Variants in KIAA1217 observed in about 807,000 individuals in gnomAD.
KIAA1217 encodes KIAA1217.
KIAA1217 carries 88 observed loss-of-function variants against 163.9 expected under a neutral mutation model. That is an observed-to-expected ratio of 0.54 (90% CI 0.45 to 0.64). The LOEUF (loss-of-function observed/expected upper bound fraction) is 0.64, where lower values mean the gene tolerates loss of function less well. KIAA1217 is among the 30% of genes least tolerant of loss of function. KIAA1217 has a pLI of 0.00. For missense variants in KIAA1217, 2,372 were observed against 2,475.0 expected, an observed-to-expected ratio of 0.96 and a Z score of 0.88; for synonymous variants, 903 against 923.1, an observed-to-expected ratio of 0.98 and a Z score of 0.39.
At chr10:24,434,303 T>G in intron 4 of KIAA1217, among the ~76,000 whole-genome samples, 1 of 152,038 alleles carries the variant, frequency 6.6e-6, no homozygotes, top group South Asian at 2.1e-4. Flanking sequence ...CCTCCCAAAG[T>G]GCTAGGATTA....
chr10:24,425,624 A>T (rs1246664879), intron 3 of KIAA1217, among the ~76,000 whole-genome samples: 1 of 152,232 alleles, frequency 6.6e-6, no homozygotes, highest in Non-Finnish European at 1.5e-5. Flanking sequence ...GATTTATTAA[A>T]TGAACTACTT....
rs561659100 is a variant in KIAA1217, at chr10:24,542,418, G to A, written c.3535-275G>A. The A allele has an allele frequency of 5.4e-5, 45 of 833,968 alleles. 1 individual carries two copies. In the Middle Eastern group the frequency reaches 1.2e-3, roughly 23 times the overall value. The allele number at this position is 833,968 out of a possible 1,614,324, so 51.7% of individuals were successfully genotyped here. ...AAGAGGACATGTTAGTAATGACTCT[G>A]TCCCTTTATTTTCTTCACCACTCCC... On this transcript the variant is annotated intron_variant, in intron 17 of 20. Coordinates refer to ENST00000376454, the MANE Select transcript of KIAA1217 (RefSeq NM_019590.5).
chr10:24,007,183 T>G (rs1018652346), intron 1 of KIAA1217: 4 of 151,906 alleles, frequency 2.6e-5, no homozygotes, highest in African/African-American at 9.7e-5. Context: ...TACTCAGCAG[T>G]TCTGCAGTGG....
chr10:24,009,662 C>G (rs999445219), intron 2 of KIAA1217, among the ~76,000 whole-genome samples: 4 of 152,124 alleles, frequency 2.6e-5, no homozygotes, highest in Non-Finnish European at 5.9e-5. Context: ...AAATAGGACC[C>G]TGCAAAGTTG....
intron 1 of KIAA1217, among the ~76,000 whole-genome samples, chr10:23,945,392 T>C (rs1283445849): frequency 1.3e-5 from 2 of 152,166 alleles, no homozygotes; most frequent in Non-Finnish European, 2.9e-5. Flanking sequence ...TATTATTCCA[T>C]TAATATGAAG....
chr10:24,519,083 G>A (rs947935653), intron 10 of KIAA1217, among the ~76,000 whole-genome samples: 1 of 152,198 alleles, frequency 6.6e-6, no homozygotes, highest in African/African-American at 2.4e-5. Context: ...AAGGGCCTTC[G>A]AGGGCCATCA....
At chr10:24,345,080 A>T (rs2047557955) in intron 2 of KIAA1217, among the ~76,000 whole-genome samples, 1 of 152,228 alleles carries the variant, frequency 6.6e-6, no homozygotes, top group Non-Finnish European at 1.5e-5. Flanking sequence ...AGGGGTATAT[A>T]GTCTGTTCTT....
intron 1 of KIAA1217, among the ~76,000 whole-genome samples, chr10:23,707,236 C>A (rs987956716): frequency 6.6e-6 from 1 of 151,976 alleles, no homozygotes; most frequent in Non-Finnish European, 1.5e-5. Context: ...GGGGTTTGGT[C>A]TGGTGTTCTG....
At chr10:24,402,702 A>G (rs1591638078) in intron 3 of KIAA1217, among the ~76,000 whole-genome samples, 1 of 152,324 alleles carries the variant, frequency 6.6e-6, no homozygotes, top group East Asian at 1.9e-4. Flanking sequence ...AGAACCCAAA[A>G]TAGAACCACC....
upstream of KIAA1217, chr10:24,209,049 C>G (rs1379472151): frequency 7.8e-6 from 5 of 642,444 alleles, no homozygotes; most frequent in Non-Finnish European, 1.4e-5. Context: ...GACTTTGCAC[C>G]GGAGTGGAAA....
At chr10:23,853,562 T>C (rs1839474772) in intron 1 of KIAA1217, among the ~76,000 whole-genome samples, 1 of 152,206 alleles carries the variant, frequency 6.6e-6, no homozygotes, top group Admixed American at 6.5e-5. Flanking sequence ...TCTTTTTCTA[T>C]TGATTGCAAT....
At chr10:23,727,285 G>A (rs146994522) in intron 1 of KIAA1217, among the ~76,000 whole-genome samples, 9 of 152,094 alleles carry the variant, frequency 5.9e-5, no homozygotes, top group Non-Finnish European at 1.0e-4. Context: ...GTTAAACCAG[G>A]CATGGTGGCT....
At chr10:24,378,431 A>T (rs1371430975) in intron 2 of KIAA1217, among the ~76,000 whole-genome samples, 1 of 152,066 alleles carries the variant, frequency 6.6e-6, no homozygotes, top group Non-Finnish European at 1.5e-5. Context: ...TCCTCCCCTG[A>T]TGCCCCTTTA....
At chr10:24,049,774 G>T (rs558921460) in intron 2 of KIAA1217, among the ~76,000 whole-genome samples, 32 of 152,286 alleles carry the variant, frequency 2.1e-4, no homozygotes, top group Admixed American at 1.9e-3. Context: ...ACATACGTGT[G>T]CATGTGTCTT....
In KIAA1217 at chr10:24,543,121, C is replaced by G; in HGVS notation, c.3851C>G (p.Ser1284Cys). The G allele has an allele frequency of 6.2e-7, 1 of 1,613,218 alleles. No individual in the cohort carries two copies. The highest frequency in any genetic ancestry group is 8.5e-7 in the Non-Finnish European group (1 of 1,179,916). Residue 1284 changes from serine (S) to cysteine (C), a missense_variant, in exon 19 of 21, where the codon TCT (serine) becomes TGT (cysteine). This residue lies in a region of KIAA1217 where 251 missense variants were observed against 327.3 expected (regional missense o/e 0.77). Coordinates refer to ENST00000376454, the MANE Select transcript of KIAA1217 (RefSeq NM_019590.5). ...SPLEDEINKG[S>C]KISGLQYSIP... ...TTAGAAGATGAAATAAACAAAGGGT[C>G]TAAAATCTCAGGCCTGCAATACTCT... is the stretch of plus-strand genomic sequence containing the variant.
intron 1 of KIAA1217, among the ~76,000 whole-genome samples, chr10:23,792,117 T>C (rs900597755): frequency 1.3e-5 from 2 of 152,202 alleles, no homozygotes; most frequent in Non-Finnish European, 2.9e-5. Flanking sequence ...GGGTGATCAT[T>C]TTATGATATG....
At chr10:23,817,969 A>T (rs1282705037) in intron 1 of KIAA1217, among the ~76,000 whole-genome samples, 1 of 28,686 alleles carries the variant, frequency 3.5e-5, no homozygotes, top group Non-Finnish European at 7.0e-5. Flanking sequence ...GCACATATAT[A>T]TATATATATA....
rs141075320 is a variant in KIAA1217 at position 24,192,521 on chromosome 10, G to A, written c.-170-27105G>A. The stretch of plus-strand genomic sequence containing the variant: ...TGTTTTCCAGTGTCATCCCCATAAG[G>A]TTAAGTTCATCACATCCCATTTGTT... On this transcript the variant is annotated intron_variant, in intron 2 of 18. Coordinates refer to the KIAA1217 transcript ENST00000376462. Among the ~76,000 whole-genome samples the A allele has an allele frequency of 2.0e-5, 3 of 152,324 alleles. No individual in the cohort carries two copies. In the East Asian group the frequency reaches 5.8e-4, roughly 29 times the overall value.
At chr10:24,186,853 G>A (rs917123268) in intron 2 of KIAA1217, among the ~76,000 whole-genome samples, 2 of 152,030 alleles carry the variant, frequency 1.3e-5, no homozygotes, top group African/African-American at 4.8e-5. Context: ...CGGTGGCACT[G>A]CACTCCAGCC....
Sources: gnomAD v4.1 joint callset for allele counts (sites outside exome capture counted in the v4.1 genomes callset) on GRCh38, gnomAD v4.1.1 for gene constraint, gnomAD v4.1.1 regional missense constraint, MANE v1.5 for transcripts, NCBI Gene and HGNC (gene_info 2026-07-23, HGNC 2026-07-21) for gene names.